The following WSB2 variants were observed in gnomAD, a reference collection of about 807,000 sequenced individuals.
The protein encoded by WSB2 is WD repeat and SOCS box-containing protein 2.
Under a neutral mutation model 48.8 loss-of-function variants are expected in WSB2, and 12 were observed. The observed-to-expected ratio is 0.25, with a 90% CI of 0.16 to 0.40. The LOEUF (loss-of-function observed/expected upper bound fraction) is 0.40. Among genes scored for constraint, WSB2 ranks in the 10% least tolerant of loss-of-function variants. The probability of loss-of-function intolerance (pLI) is 1.00; values close to 1 mark genes in which losing one functional copy is unlikely to be tolerated. For missense variants in WSB2, 317 were observed against 506.2 expected (o/e 0.63, Z 3.59); for synonymous variants, 191 against 203.1 (o/e 0.94, Z 0.51).
rs1387401842 is a variant in WSB2 at position 118,038,393 on chromosome 12, C to A, written c.560-5G>T. The A allele has an allele frequency of 1.2e-6, 2 of 1,612,926 alleles. No homozygotes were observed. The highest frequency in any genetic ancestry group is 1.1e-5 in the South Asian group (1 of 90,956). ...ATAACACTTGAATCTGTTTACCTGG[C>A]AGGAAAAAGAAGCAAACAATGAGCC... On this transcript the variant is annotated splice_polypyrimidine_tract_variant and splice_region_variant and intron_variant, in intron 4 of 8. Transcript: ENST00000315436.
At chr12:118,047,380 T>G (rs895291633) in intron 2 of WSB2, among the ~76,000 whole-genome samples, 16 of 151,836 alleles carry the variant, frequency 1.1e-4, no homozygotes, top group African/African-American at 3.9e-4. Flanking sequence ...CAAGACAGAT[T>G]CATTGGCAGA....
intron 2 of WSB2, among the ~76,000 whole-genome samples, chr12:118,049,319 G>A (rs374676927): frequency 2.0e-5 from 3 of 152,126 alleles, no homozygotes; most frequent in African/African-American, 7.2e-5. Context: ...CTCATCCCTG[G>A]ATTTCAAACT....
At chr12:118,040,028 TAA>T (rs2031596570) in intron 4 of WSB2, among the ~76,000 whole-genome samples, 2 of 151,914 alleles carry the variant, frequency 1.3e-5, no homozygotes, top group African/African-American at 4.8e-5. Flanking sequence ...TTAATATTTT[TAA>T]AAAGTTAGTC....
chr12:118,047,688 G>GTACATGCCACTGTACTCCA (rs2031771736), intron 2 of WSB2, among the ~76,000 whole-genome samples: 1 of 152,124 alleles, frequency 6.6e-6, no homozygotes, highest in Admixed American at 6.6e-5. Flanking sequence ...ACTCCAGCCT[G>GTACATGCCACTGTACTCCA]GGTGACAGAG....
upstream of WSB2, chr12:118,062,131 C>T (rs2137808609): frequency 6.5e-7 from 1 of 1,535,446 alleles, no homozygotes; most frequent in Non-Finnish European, 8.7e-7. Context: ...CCCCGTCCCC[C>T]TGAGAAACCT....
intron 2 of WSB2, among the ~76,000 whole-genome samples, chr12:118,051,462 G>C (rs1031658313): frequency 1.2e-4 from 19 of 152,178 alleles, no homozygotes; most frequent in African/African-American, 4.3e-4. Context: ...GTATATGCTA[G>C]AATACGGATG....
At position 118,035,242 on chromosome 12, in the gene WSB2, A is replaced by G. The variant is rs1186046094; in HGVS notation, c.916T>C (p.Leu306=). Residue 306 remains leucine, a synonymous_variant, in exon 7 of 9, where the codon TTG becomes CTG. Transcript: ENST00000315436. ...TCATCTGCCACCGTGGCAAGGTACA[A>G]GCCTTCTGGAGAGAAGCACACAGAT... ...LRSVCFSPEG[L]YLATVADDRL... The G allele has an allele frequency of 1.2e-6, 2 of 1,614,220 alleles. No homozygotes were observed. Among genetic ancestry groups the G allele is most frequent in the South Asian group, 2.2e-5 (2 of 91,088 alleles).
intron 1 of WSB2, among the ~76,000 whole-genome samples, chr12:118,054,215 TCCAA>T (rs1379999500): frequency 2.2e-4 from 5 of 22,810 alleles, no homozygotes; most frequent in South Asian, 1.3e-3. Context: ...CTACTAAAAA[TCCAA>T]AAAAAAAAAA....
At chr12:118,040,962 T>G (rs1341898726) in intron 4 of WSB2, among the ~76,000 whole-genome samples, 2 of 152,240 alleles carry the variant, frequency 1.3e-5, no homozygotes, top group Admixed American at 6.5e-5. Flanking sequence ...GACACAAGAA[T>G]GACTTGAACC....
At chr12:118,062,023 A>G (rs2032080726), upstream of WSB2, 44 of 1,434,746 alleles carry the variant, frequency 3.1e-5, no homozygotes, top group Non-Finnish European at 3.9e-5. Flanking sequence ...GGGCAGGGTG[A>G]AAACCGGAGT....
intron 4 of WSB2, among the ~76,000 whole-genome samples, chr12:118,039,753 T>A (rs558404911): frequency 1.3e-5 from 2 of 152,170 alleles, no homozygotes; most frequent in African/African-American, 4.8e-5. Context: ...TATTTTTTTT[T>A]ATTTTTTTGA....
intron 1 of WSB2, among the ~76,000 whole-genome samples, chr12:118,056,362 T>G (rs1411370770): frequency 6.6e-6 from 1 of 152,152 alleles, no homozygotes; most frequent in African/African-American, 2.4e-5. Context: ...CTGGCTCAAA[T>G]GACAACTGCT....
chr12:118,034,574 G>GCTCTCGCTCTCTCTCTCTCTCTCTCTCT, intron 8 of WSB2: 1 of 528,462 alleles, frequency 1.9e-6, no homozygotes, highest in Non-Finnish European at 3.3e-6. Context: ...ATACCAAAGC[G>GCTCTCGCTCTCTCTCTCTCTCTCTCTCT]CTCTCTCTGT....
rs2032054138 is a variant in WSB2, at chr12:118,061,024, G to T, written c.13+12C>A. 1.0e-6 allele frequency: 1 copy of T among 978,720 alleles called. No individual in the cohort carries two copies. The highest frequency in any genetic ancestry group is 4.6e-5 in the South Asian group (1 of 21,526). 60.6% of individuals were successfully genotyped at this position (978,720 alleles called of 1,614,324 possible). A position where few individuals can be genotyped will look rare whatever the true frequency, so the allele number is the denominator to read the frequency against. ...CCGCCGGGCGGGAACGGGCGCGCCC[G>T]GCCCCACTCACCTCCGGCCTCCATG... On this transcript the variant is annotated intron_variant, in intron 1 of 8. Coordinates refer to ENST00000315436, the MANE Select transcript of WSB2 (RefSeq NM_018639.5).
chr12:118,035,281 T>C lies in WSB2; in HGVS notation c.877A>G (p.Ile293Val). The C allele has an allele frequency of 6.2e-7, 1 of 1,614,196 alleles. No individual in the cohort carries two copies. The highest frequency in any genetic ancestry group is 8.5e-7 in the Non-Finnish European group (1 of 1,180,038). ...AAGCACACAGATCTCAGTGAGCTAA[T>C]GTGGACGTCACTGTCATCCATGGCG... ...DPAMDDSDVHISSLRSVCFSP... is the reference protein window; with the variant it reads ...DPAMDDSDVHVSSLRSVCFSP... The change falls in exon 7 of 9, where the codon ATT becomes GTT. Residue 293 changes from isoleucine (I) to valine (V), a missense_variant. Physicochemically the swap from Ile to Val is conservative, Grantham distance 29 (BLOSUM62 3). Transcript: ENST00000315436.
intron 1 of WSB2, among the ~76,000 whole-genome samples, chr12:118,058,855 C>T (rs2032011426): frequency 6.6e-6 from 1 of 151,950 alleles, no homozygotes; most frequent in Non-Finnish European, 1.5e-5. Flanking sequence ...CACCACCACG[C>T]CTGGTTAATT....
chr12:118,044,001 C>T (rs2031696282), intron 2 of WSB2, among the ~76,000 whole-genome samples: 1 of 151,398 alleles, frequency 6.6e-6, no homozygotes, highest in Non-Finnish European at 1.5e-5. Context: ...TGCCTGTAAC[C>T]CCAGCTACTT....
At chr12:118,054,284 G>A (rs1325835368) in intron 1 of WSB2, among the ~76,000 whole-genome samples, 2 of 151,322 alleles carry the variant, frequency 1.3e-5, no homozygotes, top group South Asian at 4.2e-4. Context: ...CCAGCTACTC[G>A]GGAAGCTGAA....
intron 2 of WSB2, among the ~76,000 whole-genome samples, chr12:118,045,205 A>G (rs1396795080): frequency 1.3e-5 from 2 of 151,790 alleles, no homozygotes; most frequent in African/African-American, 4.8e-5. Flanking sequence ...TCTACTAAAA[A>G]TACAAAAAAT....
Sources: allele counts gnomAD v4.1 joint callset (sites outside exome capture counted in the v4.1 genomes callset), GRCh38; gene constraint gnomAD v4.1.1; transcripts MANE v1.5; gene names NCBI Gene and HGNC (gene_info 2026-07-23, HGNC 2026-07-21).